The following PRKACB variants were observed in gnomAD, a reference collection of about 807,000 sequenced individuals.
PRKACB encodes protein kinase cAMP-activated catalytic subunit beta.
Under a neutral mutation model 51.4 loss-of-function variants are expected in PRKACB, and 16 were observed. That is an observed-to-expected ratio of 0.31 (90% CI 0.21 to 0.47). The LOEUF is 0.47. Ranked by LOEUF, PRKACB falls within the 20% of genes least tolerant of loss-of-function variation. The pLI is 1.00. For missense variants in PRKACB, 309 were observed against 464.5 expected (o/e 0.67, Z 3.08); for synonymous variants, 147 against 154.4 (o/e 0.95, Z 0.35).
intron 1 of PRKACB, among the ~76,000 whole-genome samples, chr1:84,086,700 A>G (rs966045524): frequency 6.6e-6 from 1 of 152,220 alleles, no homozygotes; most frequent in African/African-American, 2.4e-5. Flanking sequence ...TAAAGAACTT[A>G]GTCATCCCAC....
At chr1:84,229,192 T>C (rs1020913335) in intron 9 of PRKACB, among the ~76,000 whole-genome samples, 1 of 146,886 alleles carries the variant, frequency 6.8e-6, no homozygotes, top group Non-Finnish European at 1.5e-5. Context: ...TTTGGTTTTT[T>C]GTTCTTGCGA....
chr1:84,081,083 A>G (rs1374447731), intron 1 of PRKACB, among the ~76,000 whole-genome samples: 1 of 152,220 alleles, frequency 6.6e-6, no homozygotes, highest in East Asian at 1.9e-4. Context: ...AAAATGTTTG[A>G]TTTGAAAAGT....
chr1:84,183,933 A>G (rs945072039), intron 3 of PRKACB, 104 bp from the exon 4 acceptor site: 39 of 1,202,572 alleles, frequency 3.2e-5, no homozygotes, highest in South Asian at 6.6e-5. Context: ...AATTCTAACA[A>G]TTTTGCTTAT....
chr1:84,234,754 T>C (rs1309980827), intron 9 of PRKACB, among the ~76,000 whole-genome samples: 4 of 152,246 alleles, frequency 2.6e-5, no homozygotes, highest in Non-Finnish European at 4.4e-5. Context: ...AGTGAGGCAA[T>C]GCCTTGCCCT....
At chr1:84,146,538 A>T (rs1415385609) in intron 1 of PRKACB, among the ~76,000 whole-genome samples, 1 of 151,994 alleles carries the variant, frequency 6.6e-6, no homozygotes, top group African/African-American at 2.4e-5. Flanking sequence ...GACTGTACAA[A>T]GTTTCATATG....
intron 1 of PRKACB, among the ~76,000 whole-genome samples, chr1:84,094,491 C>T (rs1648769293): frequency 6.6e-6 from 1 of 151,834 alleles, no homozygotes; most frequent in African/African-American, 2.4e-5. Flanking sequence ...TTTTCTTTGA[C>T]TAATGGCTAC....
At chr1:84,173,389 A>G (rs1192906650) in intron 1 of PRKACB, 2 of 1,511,188 alleles carry the variant, frequency 1.3e-6, no homozygotes, top group Non-Finnish European at 9.0e-7. Context: ...TAATTCTGTT[A>G]CTTTGATTAT....
At chr1:84,164,348 AG>A (rs1338983594) in intron 1 of PRKACB, 1 of 1,551,508 alleles carries the variant, frequency 6.4e-7, no homozygotes, top group African/African-American at 1.4e-5. Context: ...TAGCAGTAAG[AG>A]CTGGTGTAAT....
intron 8 of PRKACB, chr1:84,204,550 G>A: frequency 6.3e-7 from 1 of 1,591,000 alleles, no homozygotes; most frequent in Non-Finnish European, 8.6e-7. Context: ...TATTTTTGAA[G>A]AATTTGAGAA....
intron 1 of PRKACB, among the ~76,000 whole-genome samples, chr1:84,169,558 G>C (rs1194262736): frequency 2.6e-5 from 4 of 151,452 alleles, no homozygotes; most frequent in African/African-American, 4.8e-5. Flanking sequence ...AAATGGACAA[G>C]ATAAAAATTA....
chr1:84,112,457 G>A (rs559676326), intron 1 of PRKACB, among the ~76,000 whole-genome samples: 61 of 151,836 alleles, frequency 4.0e-4, no homozygotes, highest in East Asian at 1.6e-3. Context: ...GGCTGGTCTC[G>A]AACTCCTGAC....
intron 9 of PRKACB, among the ~76,000 whole-genome samples, chr1:84,230,600 T>A (rs1675467264): frequency 6.6e-6 from 1 of 151,906 alleles, no homozygotes. Context: ...TATCTTCTTT[T>A]ATTTCCTTGA....
intron 1 of PRKACB, among the ~76,000 whole-genome samples, chr1:84,171,886 C>T (rs1255595977): frequency 2.6e-5 from 4 of 151,436 alleles, no homozygotes; most frequent in East Asian, 2.0e-4. Flanking sequence ...CAGCAACAAA[C>T]AAAAAAGGTA....
chr1:84,167,136 A>G (rs1419036328), intron 1 of PRKACB, among the ~76,000 whole-genome samples: 1 of 151,468 alleles, frequency 6.6e-6, no homozygotes, highest in Non-Finnish European at 1.5e-5. Flanking sequence ...TGGCTTCTAG[A>G]TCTCTTCTCA....
intron 1 of PRKACB, among the ~76,000 whole-genome samples, chr1:84,160,142 A>G (rs1276496352): frequency 6.6e-6 from 1 of 152,098 alleles, no homozygotes; most frequent in Non-Finnish European, 1.5e-5. Flanking sequence ...GGTTGGTATT[A>G]TCTTTGAATG....
chr1:84,108,064 A>C (rs1383687777), intron 1 of PRKACB, among the ~76,000 whole-genome samples: 2 of 152,134 alleles, frequency 1.3e-5, no homozygotes, highest in Non-Finnish European at 2.9e-5. Flanking sequence ...TAGCACAGAC[A>C]TGGAGTCAAC....
At chr1:84,086,481 A>G (rs1648002522) in intron 1 of PRKACB, among the ~76,000 whole-genome samples, 1 of 152,076 alleles carries the variant, frequency 6.6e-6, no homozygotes. Flanking sequence ...AGATGCATAG[A>G]GAGAGCCCAG....
intron 1 of PRKACB, among the ~76,000 whole-genome samples, chr1:84,156,514 T>G (rs1655525219): frequency 6.6e-6 from 1 of 152,174 alleles, no homozygotes; most frequent in African/African-American, 2.4e-5. Flanking sequence ...ACTCATATGC[T>G]TAGTCATCTT....
intron 7 of PRKACB, among the ~76,000 whole-genome samples, chr1:84,199,230 A>T (rs1333885412): frequency 6.6e-6 from 1 of 151,478 alleles, no homozygotes; most frequent in Non-Finnish European, 1.5e-5. Context: ...GGGGTTTGTT[A>T]TACAGATTAT....
Sources: gnomAD v4.1 joint callset for allele counts (sites outside exome capture counted in the v4.1 genomes callset) on GRCh38, gnomAD v4.1.1 for gene constraint, MANE v1.5 for transcripts, NCBI Gene and HGNC (gene_info 2026-07-23, HGNC 2026-07-21) for gene names.